The following MAP3K5 variants were observed in gnomAD, a reference collection of about 807,000 sequenced individuals.
The protein encoded by MAP3K5 is mitogen-activated protein kinase kinase kinase 5, also known as ASK-1.
A neutral mutation model predicts 158.7 loss-of-function variants in MAP3K5; 56 were observed. That is an observed-to-expected ratio of 0.35 (90% CI 0.28 to 0.44). The LOEUF is 0.44. Among genes scored for constraint, MAP3K5 ranks in the 20% least tolerant of loss-of-function variants. The probability of loss-of-function intolerance (pLI) is 1.00; values close to 1 mark genes in which losing one functional copy is unlikely to be tolerated. For synonymous variants in MAP3K5, 579 were observed against 601.7 expected, an observed-to-expected ratio of 0.96 and a Z score of 0.55; for missense variants, 1,294 against 1,674.8, an observed-to-expected ratio of 0.77 and a Z score of 3.97.
intron 7 of MAP3K5, among the ~76,000 whole-genome samples, chr6:136,682,157 C>G (rs1023353100): frequency 6.6e-6 from 1 of 152,186 alleles, no homozygotes; most frequent in Non-Finnish European, 1.5e-5. Flanking sequence ...CACCAATGAG[C>G]TGGTGTCATG....
At chr6:136,727,687 G>A (rs368797362) in intron 1 of MAP3K5, among the ~76,000 whole-genome samples, 70 of 152,278 alleles carry the variant, frequency 4.6e-4, no homozygotes, top group African/African-American at 1.6e-3. Flanking sequence ...AGGGCCAGGC[G>A]CAGTGGCTCA....
intron 1 of MAP3K5, among the ~76,000 whole-genome samples, chr6:136,722,036 T>G (rs1464620225): frequency 6.6e-6 from 1 of 152,162 alleles, no homozygotes; most frequent in Non-Finnish European, 1.5e-5. Context: ...AATGGCTTTC[T>G]GAAAATCCCA....
chr6:136,652,168 T>C (rs1778545291), intron 10 of MAP3K5, among the ~76,000 whole-genome samples: 1 of 152,130 alleles, frequency 6.6e-6, no homozygotes, highest in Non-Finnish European at 1.5e-5. Flanking sequence ...TGAAATGCAC[T>C]CTCAGAAAGC....
chr6:136,780,052 C>G (rs188890404), intron 1 of MAP3K5, among the ~76,000 whole-genome samples: 4 of 152,242 alleles, frequency 2.6e-5, no homozygotes, highest in African/African-American at 9.6e-5. Context: ...GAAGAGTTGT[C>G]AAAGACTTGG....
intron 8 of MAP3K5, among the ~76,000 whole-genome samples, chr6:136,664,432 C>G (rs1470895019): frequency 6.6e-6 from 1 of 151,930 alleles, no homozygotes; most frequent in Non-Finnish European, 1.5e-5. Context: ...CTGAATCATC[C>G]CTGAACCACC....
intron 1 of MAP3K5, among the ~76,000 whole-genome samples, chr6:136,788,294 T>A (rs1480841296): frequency 6.6e-6 from 1 of 152,110 alleles, no homozygotes; most frequent in Non-Finnish European, 1.5e-5. Context: ...TGGATTAAGG[T>A]TTAAATGTAA....
In MAP3K5 at chr6:136,659,504, T is replaced by C; in HGVS notation, c.1367-126A>G. On this transcript the variant is annotated intron_variant, in intron 8 of 29. Transcript: ENST00000359015. Reference sequence around the variant, plus strand: ...GATTAAAACAGCTTTGTTAAGTTTCTGATTATTAAGGTGGCTTCAGTTCAC... The same window carrying C: ...GATTAAAACAGCTTTGTTAAGTTTCCGATTATTAAGGTGGCTTCAGTTCAC... 3 of 874,428 alleles carry C rather than the reference T, an allele frequency of 3.4e-6. No individual in the cohort carries two copies. In the East Asian group the frequency reaches 7.5e-5, roughly 22 times the overall value. 54.2% of individuals were successfully genotyped at this position (874,428 alleles called of 1,614,324 possible).
intron 25 of MAP3K5, among the ~76,000 whole-genome samples, chr6:136,576,929 C>T (rs1245673608): frequency 1.3e-5 from 2 of 151,496 alleles, no homozygotes; most frequent in Non-Finnish European, 2.9e-5. Flanking sequence ...AAATTTGTAG[C>T]CCGGGAGCAA....
At chr6:136,708,865 C>T (rs1032673664) in intron 2 of MAP3K5, among the ~76,000 whole-genome samples, 11 of 152,160 alleles carry the variant, frequency 7.2e-5, no homozygotes, top group African/African-American at 2.2e-4. Flanking sequence ...GCAAACCATA[C>T]GCTTGCAAAT....
intron 10 of MAP3K5, among the ~76,000 whole-genome samples, chr6:136,655,400 G>A (rs1322557258): frequency 6.6e-6 from 1 of 152,194 alleles, no homozygotes; most frequent in Non-Finnish European, 1.5e-5. Context: ...CTGAGCTCAA[G>A]GCTTCATCTG....
chr6:136,632,448 C>T (rs934166898), intron 14 of MAP3K5, among the ~76,000 whole-genome samples: 2 of 152,044 alleles, frequency 1.3e-5, no homozygotes, highest in African/African-American at 2.4e-5. Context: ...ACCTAGGAGG[C>T]GGAGGTTGCA....
intron 29 of MAP3K5, 101 bp from the exon 30 acceptor site, chr6:136,557,919 A>AGC: frequency 1.3e-6 from 1 of 794,816 alleles, no homozygotes; most frequent in Non-Finnish European, 2.3e-6. Flanking sequence ...CTCTGGTCAG[A>AGC]AGAAGATCCC....
At chr6:136,694,389 AC>A in intron 6 of MAP3K5, 79 bp from the exon 7 acceptor site, 1 of 1,162,502 alleles carries the variant, frequency 8.6e-7, no homozygotes, top group East Asian at 2.5e-5. Context: ...ACCCTATTTA[AC>A]ATGTTGATTC....
At chr6:136,773,184 G>A (rs1167043053) in intron 1 of MAP3K5, among the ~76,000 whole-genome samples, 2 of 152,174 alleles carry the variant, frequency 1.3e-5, no homozygotes, top group East Asian at 3.8e-4. Flanking sequence ...AATAACACCT[G>A]AGCCCACAAA....
At chr6:136,683,327 AAAGAT>A (rs759838555) in intron 7 of MAP3K5, among the ~76,000 whole-genome samples, 38 of 152,218 alleles carry the variant, frequency 2.5e-4, no homozygotes, top group Non-Finnish European at 8.8e-5. Flanking sequence ...GTCCTAAGAG[AAAGAT>A]ACAGGAAAAC....
intron 7 of MAP3K5, among the ~76,000 whole-genome samples, chr6:136,674,987 G>A (rs1779644769): frequency 6.6e-6 from 1 of 151,914 alleles, no homozygotes; most frequent in Non-Finnish European, 1.5e-5. Context: ...CAGGTAGGTT[G>A]AAAGTGAAAT....
At chr6:136,656,281 C>T (rs780666830) in intron 10 of MAP3K5, 26 bp downstream of exon 10, 1 of 1,602,264 alleles carries the variant, frequency 6.2e-7, no homozygotes, top group South Asian at 1.1e-5. Context: ...AAGAAATGTA[C>T]TTAGATTTAA....
chr6:136,765,250 G>A (rs909271572), intron 1 of MAP3K5, among the ~76,000 whole-genome samples: 21 of 152,208 alleles, frequency 1.4e-4, no homozygotes, highest in African/African-American at 4.6e-4. Flanking sequence ...TTCCTTACGT[G>A]CATGATCTCA....
At position 136,642,020 on chromosome 6, in the gene MAP3K5, A is replaced by T. The variant is rs908668288; in HGVS notation, c.1838+500T>A. Among the ~76,000 whole-genome samples, 65 of 117,460 alleles carry T rather than the reference A, an allele frequency of 5.5e-4. 1 individual carries two copies. Among genetic ancestry groups the T allele is most frequent in the Admixed American group, 8.0e-4 (9 of 11,216 alleles). 77.1% of individuals were successfully genotyped at this position (117,460 alleles called of 152,430 possible). A position where few individuals can be genotyped will look rare whatever the true frequency, so the allele number is the denominator to read the frequency against. On this transcript the variant is annotated intron_variant, in intron 12 of 29. Transcript: ENST00000359015. ...TAAAATAAAATAAAATAAAATAAAT[A>T]AAATAAAATAAAAATAAAATAAAAT...
Sources: gnomAD v4.1 joint callset for allele counts (sites outside exome capture counted in the v4.1 genomes callset) on GRCh38, gnomAD v4.1.1 for gene constraint, MANE v1.5 for transcripts, NCBI Gene and HGNC (gene_info 2026-07-23, HGNC 2026-07-21) for gene names.